The following IFT81 variants were observed in gnomAD, a reference collection of about 807,000 sequenced individuals.
IFT81 encodes the protein intraflagellar transport 81, also known as intraflagellar transport protein 81 homolog.
A neutral mutation model predicts 102.6 loss-of-function variants in IFT81; 72 were observed. The observed-to-expected ratio is 0.70, with a 90% confidence interval of 0.58 to 0.85. IFT81 has a LOEUF of 0.85. IFT81 is among the 40% of genes least tolerant of loss of function. The probability of loss-of-function intolerance (pLI) is 0.00; values close to 1 mark genes in which losing one functional copy is unlikely to be tolerated. For synonymous variants in IFT81, 237 were observed against 242.7 expected (o/e 0.98, Z 0.22); for missense variants, 723 against 787.3 (o/e 0.92, Z 0.98).
At position 110,145,168 on chromosome 12, in the gene IFT81, A is replaced by G. The variant is rs575286115; in HGVS notation, c.945+1623A>G. On this transcript the variant is annotated intron_variant, in intron 9 of 18. Coordinates refer to ENST00000242591, the MANE Select transcript of IFT81 (RefSeq NM_014055.4). ...CACCTGAGCTTCCCAAGTAGCTGGGACTACAAGGTGCATGCCACCAGTTCT... is the reference window on the plus strand; with the variant it reads ...CACCTGAGCTTCCCAAGTAGCTGGGGCTACAAGGTGCATGCCACCAGTTCT... Among the ~76,000 whole-genome samples, 4 of 150,894 alleles carry G rather than the reference A, an allele frequency of 2.7e-5. No homozygotes were observed. In the South Asian group the frequency reaches 8.4e-4, roughly 32 times the overall value.
chr12:110,127,136 A>G (rs1395023943), intron 1 of IFT81, among the ~76,000 whole-genome samples: 3 of 152,216 alleles, frequency 2.0e-5, no homozygotes, highest in Non-Finnish European at 1.5e-5. Flanking sequence ...CACCAGATGC[A>G]TATACAAAGC....
rs374545355 is a variant in IFT81, at chr12:110,144,756, C to T, written c.945+1211C>T. Among the ~76,000 whole-genome samples, 152 of 151,710 alleles carry T rather than the reference C, an allele frequency of 1.0e-3. 1 individual carries two copies. In the South Asian group the frequency reaches 0.013, roughly 13 times the overall value. On this transcript the variant is annotated intron_variant, in intron 9 of 18. Transcript: ENST00000242591. ...AACTCCTGACCTCAGGTGATCTGCC[C>T]GCCTCAGCCTCCCAAAGTGCTGGGA...
Position 110,127,541 on chromosome 12 carries a change from T to A in IFT81, c.144+17T>A. ...GACCCAAAGGTAAGAGTTTTCTCTT[T>A]CTTTTTGATGGGTAGCAGAAAGCCA... On this transcript the variant is annotated intron_variant, in intron 2 of 18. Transcript: ENST00000242591. 6.3e-7 allele frequency: 1 copy of A among 1,575,532 alleles called. No individual in the cohort carries two copies. Among genetic ancestry groups the A allele is most frequent in the Non-Finnish European group, 8.6e-7 (1 of 1,166,568 alleles).
At chr12:110,190,629 A>G (rs1897751891) in intron 12 of IFT81, among the ~76,000 whole-genome samples, 1 of 152,102 alleles carries the variant, frequency 6.6e-6, no homozygotes, top group Non-Finnish European at 1.5e-5. Context: ...CTTTCATCAA[A>G]TGTTTATTGA....
intron 8 of IFT81, among the ~76,000 whole-genome samples, chr12:110,137,805 A>G (rs1894608218): frequency 6.6e-6 from 1 of 152,218 alleles, no homozygotes; most frequent in Admixed American, 6.5e-5. Context: ...ATGGTTGGAA[A>G]AATTATGAAT....
At chr12:110,189,057 T>C (rs1897677490) in intron 12 of IFT81, among the ~76,000 whole-genome samples, 1 of 152,238 alleles carries the variant, frequency 6.6e-6, no homozygotes, top group African/African-American at 2.4e-5. Context: ...TCCATCTTCC[T>C]GTAAAACTTC....
At position 110,124,776 on chromosome 12, in the gene IFT81, G is replaced by GC. The variant is rs1460034048; in HGVS notation, c.-106dup. The GC allele has an allele frequency of 1.3e-5, 2 of 152,284 alleles. No homozygotes were observed. The highest frequency in any genetic ancestry group is 2.9e-5 in the Non-Finnish European group (2 of 68,064). 9.4% of individuals were successfully genotyped at this position (152,284 alleles called of 1,614,324 possible). The stretch of plus-strand genomic sequence containing the variant: ...ATGCTCGTGCCAGCCTGGGACCCAG[G>GC]CAGCACGGTTTCTCTCCCAAATTGT... On this transcript the variant is annotated 5_prime_UTR_variant, in exon 1 of 19. The change abolishes the stop of an existing upstream ORF in the 5' untranslated region. Transcript: ENST00000242591.
chr12:110,185,781 T>C (rs1444937816), intron 12 of IFT81, among the ~76,000 whole-genome samples: 3 of 151,850 alleles, frequency 2.0e-5, no homozygotes, highest in South Asian at 2.1e-4. Context: ...TATTTTTTTT[T>C]CAGACATGGG....
At chr12:110,189,912 C>CAAAAAA (rs1001253519) in intron 12 of IFT81, among the ~76,000 whole-genome samples, 2 of 152,138 alleles carry the variant, frequency 1.3e-5, no homozygotes, top group Non-Finnish European at 2.9e-5. Context: ...GATCTGCCTT[C>CAAAAAA]AAAATATACA....
At chr12:110,217,641 A>G (rs1593386288) in intron 18 of IFT81, among the ~76,000 whole-genome samples, 1 of 151,634 alleles carries the variant, frequency 6.6e-6, no homozygotes, top group Middle Eastern at 3.4e-3. Context: ...GGCTCACTGC[A>G]AACTCCGCCT....
intron 11 of IFT81, among the ~76,000 whole-genome samples, chr12:110,176,539 G>A (rs988783329): frequency 2.0e-5 from 3 of 152,188 alleles, no homozygotes; most frequent in Non-Finnish European, 4.4e-5. Flanking sequence ...TAGCTTCAAT[G>A]TGTTCATCAG....
chr12:110,141,329 C>T (rs1268534773), intron 8 of IFT81, among the ~76,000 whole-genome samples: 1 of 152,148 alleles, frequency 6.6e-6, no homozygotes, highest in Admixed American at 6.5e-5. Context: ...TGAGACACCA[C>T]GCCCAGCCTA....
chr12:110,190,841 T>C (rs1481884869), intron 12 of IFT81, 79 bp from the exon 13 acceptor site: 1 of 1,265,626 alleles, frequency 7.9e-7, no homozygotes, highest in South Asian at 2.1e-5. Flanking sequence ...TTTTTTGTTA[T>C]GTATGAAATT....
At chr12:110,152,228 A>G (rs962828664) in intron 10 of IFT81, among the ~76,000 whole-genome samples, 1 of 152,218 alleles carries the variant, frequency 6.6e-6, no homozygotes, top group African/African-American at 2.4e-5. Context: ...AGGACCCTCC[A>G]TACTGTTTTC....
intron 11 of IFT81, among the ~76,000 whole-genome samples, chr12:110,179,581 G>A (rs1365177700): frequency 6.6e-6 from 1 of 150,704 alleles, no homozygotes; most frequent in Non-Finnish European, 1.5e-5. Context: ...AATTAGCCAG[G>A]CGTGGTGCTC....
chr12:110,203,608 G>T, intron 14 of IFT81: 1 of 374,546 alleles, frequency 2.7e-6, no homozygotes, highest in Non-Finnish European at 5.0e-6. Context: ...AGAATTTTTG[G>T]CTGTTTTATT....
At chr12:110,191,833 T>C (rs1475842215) in intron 13 of IFT81, among the ~76,000 whole-genome samples, 1 of 151,892 alleles carries the variant, frequency 6.6e-6, no homozygotes, top group Non-Finnish European at 1.5e-5. Flanking sequence ...CCCAGAACCC[T>C]CTGGATCTCA....
At chr12:110,198,030 C>T (rs1203346577) in intron 14 of IFT81, among the ~76,000 whole-genome samples, 1 of 152,096 alleles carries the variant, frequency 6.6e-6, no homozygotes, top group African/African-American at 2.4e-5. Context: ...TTTATTTGTA[C>T]ATCTCTAAAA....
At chr12:110,161,734 G>T (rs113769335) in intron 10 of IFT81, among the ~76,000 whole-genome samples, 2,957 of 152,028 alleles carry the variant, frequency 0.019, 97 homozygotes, top group African/African-American at 0.067. Context: ...GATTACAGAC[G>T]TGAGCCACTG....
Sources: allele counts gnomAD v4.1 joint callset (sites outside exome capture counted in the v4.1 genomes callset), GRCh38; gene constraint gnomAD v4.1.1; transcripts MANE v1.5; gene names NCBI Gene and HGNC (gene_info 2026-07-23, HGNC 2026-07-21).